SLC5A8: variants seen among roughly 807,000 people sequenced by gnomAD.
The protein encoded by SLC5A8 is sodium-coupled monocarboxylate transporter 1.
A neutral mutation model predicts 71.9 loss-of-function variants in SLC5A8; 55 were observed. That is an observed-to-expected ratio of 0.77 (90% CI 0.62 to 0.96). The LOEUF (loss-of-function observed/expected upper bound fraction) is 0.96, where lower values mean the gene tolerates loss of function less well. Ranked by LOEUF, SLC5A8 falls within the 40% of genes least tolerant of loss-of-function variation. The pLI is 0.00. For synonymous variants in SLC5A8, 307 were observed against 276.1 expected (o/e 1.11, Z -1.11); for missense variants, 701 against 745.3 (o/e 0.94, Z 0.69).
chr12:101,186,254 G>A (rs761092486), intron 7 of SLC5A8, among the ~76,000 whole-genome samples: 7 of 151,838 alleles, frequency 4.6e-5, no homozygotes, highest in Non-Finnish European at 4.4e-5. Context: ...CATAGTAAAC[G>A]TGATTCTTAC....
Position 101,180,064 on chromosome 12 carries a change from C to T in SLC5A8, c.1198G>A (p.Ala400Thr). 1 of 1,614,066 alleles carries T rather than the reference C, an allele frequency of 6.2e-7. No individual in the cohort carries two copies. Among genetic ancestry groups the T allele is most frequent in the South Asian group, 1.1e-5 (1 of 91,072 alleles). The change falls in exon 10 of 15, where the codon GCT becomes ACT. Residue 400 changes from alanine to threonine, a missense_variant. By Grantham distance (58) the Ala-to-Thr change is moderately conservative (BLOSUM62 0). Transcript: ENST00000536262. Reference sequence around the variant, plus strand: ...GCTCCCATAAGTGACGCCAGCGCAGCCATTCCAATACACAGGGCTCCATAC... The same window carrying T: ...GCTCCCATAAGTGACGCCAGCGCAGTCATTCCAATACACAGGGCTCCATAC... ...VVYGALCIGM[A>T]ALASLMGALL... is the part of the protein sequence containing the mutation.
At chr12:101,179,116 T>C (rs190064863) in intron 10 of SLC5A8, among the ~76,000 whole-genome samples, 2 of 152,262 alleles carry the variant, frequency 1.3e-5, no homozygotes, top group Admixed American at 6.5e-5. Flanking sequence ...GATATCACTA[T>C]ATGCCTATCA....
At chr12:101,167,998 TA>T in intron 11 of SLC5A8, 97 bp downstream of exon 11, 1 of 1,124,918 alleles carries the variant, frequency 8.9e-7, no homozygotes, top group Non-Finnish European at 1.3e-6. Context: ...GACAAGTAGC[TA>T]ATGACAAATC....
At chr12:101,171,525 G>T (rs2051829905) in intron 10 of SLC5A8, among the ~76,000 whole-genome samples, 1 of 152,142 alleles carries the variant, frequency 6.6e-6, no homozygotes, top group African/African-American at 2.4e-5. Flanking sequence ...GGAGTTGGTG[G>T]CGCCCTTGGA....
rs2051828675 is a variant in SLC5A8, at chr12:101,171,393, T to C, written c.1234-3211A>G. Reference sequence around the variant, plus strand: ...ATCTTATAGCCATAATATATCTCATTGTATACCACACTCCACCCCTGACCC... The same window carrying C: ...ATCTTATAGCCATAATATATCTCATCGTATACCACACTCCACCCCTGACCC... On this transcript the variant is annotated intron_variant, in intron 10 of 14. Transcript: ENST00000536262. 3.3e-5 allele frequency among the ~76,000 whole-genome samples: 5 copies of C among 152,236 alleles called. 1 individual carries two copies. In the South Asian group the frequency reaches 1.0e-3, roughly 32 times the overall value.
At chr12:101,171,341 G>T (rs1008099132) in intron 10 of SLC5A8, among the ~76,000 whole-genome samples, 6 of 152,124 alleles carry the variant, frequency 3.9e-5, no homozygotes, top group Non-Finnish European at 1.5e-5. Flanking sequence ...CCTCTGAGTT[G>T]CTTGAGTGGC....
intron 14 of SLC5A8, among the ~76,000 whole-genome samples, chr12:101,158,017 A>G (rs886959203): frequency 2.6e-5 from 4 of 152,220 alleles, no homozygotes; most frequent in African/African-American, 7.2e-5. Flanking sequence ...AGCTCATCAG[A>G]GGATACACAG....
At chr12:101,158,147 C>T (rs1049033711) in intron 14 of SLC5A8, 102 bp downstream of exon 14, 3 of 835,900 alleles carry the variant, frequency 3.6e-6, no homozygotes, top group Admixed American at 4.3e-5. Context: ...CTATACCTTC[C>T]TTGTCCATCA....
At chr12:101,188,434 A>T (rs1868756172) in intron 6 of SLC5A8, among the ~76,000 whole-genome samples, 1 of 152,176 alleles carries the variant, frequency 6.6e-6, no homozygotes, top group Admixed American at 6.5e-5. Flanking sequence ...AAGAGGTACC[A>T]TCCCTGAAGT....
rs944635765 is a variant in SLC5A8 at position 101,158,397 on chromosome 12, T to A, written c.1631-69A>T. On this transcript the variant is annotated intron_variant, in intron 13 of 14. Coordinates refer to ENST00000536262, the MANE Select transcript of SLC5A8 (RefSeq NM_145913.5). The stretch of plus-strand genomic sequence containing the variant: ...CCAGTAACTACACAGAGACATTCCA[T>A]TATACAGGCATTTAACTTGTTCACG... The A allele has an allele frequency of 4.1e-6, 4 of 968,046 alleles. No individual in the cohort carries two copies. In the African/African-American group the frequency reaches 6.8e-5, roughly 16 times the overall value. 60.0% of individuals were successfully genotyped at this position (968,046 alleles called of 1,614,324 possible).
chr12:101,201,029 T>C (rs1370426187), intron 3 of SLC5A8, among the ~76,000 whole-genome samples: 1 of 152,206 alleles, frequency 6.6e-6, no homozygotes, highest in Non-Finnish European at 1.5e-5. Flanking sequence ...CATTCTAATT[T>C]ACTCTCAGGG....
intron 5 of SLC5A8, among the ~76,000 whole-genome samples, chr12:101,193,033 G>A (rs971889830): frequency 8.0e-5 from 12 of 149,294 alleles, no homozygotes; most frequent in Non-Finnish European, 1.6e-4. Context: ...GTGCAGTGGC[G>A]TGATCTCGGC....
At chr12:101,171,064 T>C (rs972672790) in intron 10 of SLC5A8, among the ~76,000 whole-genome samples, 23 of 152,198 alleles carry the variant, frequency 1.5e-4, no homozygotes, top group Non-Finnish European at 5.9e-5. Context: ...ACAGGTTAGA[T>C]GACTGACAGA....
intron 4 of SLC5A8, 42 bp from the exon 5 acceptor site, chr12:101,193,821 C>A (rs761443663): frequency 1.9e-6 from 3 of 1,594,906 alleles, no homozygotes; most frequent in Non-Finnish European, 1.7e-6. Context: ...TTCTATTAGA[C>A]ATTATTAAGC....
Position 101,204,495 on chromosome 12 carries a change from C to G in SLC5A8, c.417+5G>C. 1 of 1,591,340 alleles carries G rather than the reference C, an allele frequency of 6.3e-7. No individual in the cohort carries two copies. Among genetic ancestry groups the G allele is most frequent in the Non-Finnish European group, 8.5e-7 (1 of 1,171,508 alleles). ...AAAAGATAAAATAAATGGAGAGCTA[C>G]TTACTGTTTGAACAATGAAGAGGAC... On this transcript the variant is annotated splice_donor_5th_base_variant and intron_variant, in intron 2 of 14. Transcript: ENST00000536262.
intron 10 of SLC5A8, among the ~76,000 whole-genome samples, chr12:101,174,643 C>T (rs1379022990): frequency 6.6e-6 from 1 of 152,190 alleles, no homozygotes; most frequent in Non-Finnish European, 1.5e-5. Flanking sequence ...GTTGTAAATT[C>T]CTACATGACA....
intron 5 of SLC5A8, among the ~76,000 whole-genome samples, chr12:101,192,865 A>C (rs1271892697): frequency 6.6e-6 from 1 of 152,144 alleles, no homozygotes; most frequent in Non-Finnish European, 1.5e-5. Context: ...AGAATTGTCA[A>C]AATGAAATCA....
intron 3 of SLC5A8, among the ~76,000 whole-genome samples, chr12:101,201,194 C>T (rs574769993): frequency 1.4e-4 from 21 of 152,266 alleles, no homozygotes; most frequent in Middle Eastern, 3.4e-3. Flanking sequence ...ACTCAGTTCT[C>T]GACAAATGAG....
rs367819113 is a variant in SLC5A8, at chr12:101,190,453, T to C, written c.833+15A>G. ...ATGGTTATTAATGATTCATATACCA[T>C]GGTGTGTGACTTACAGTTTTGCCTG... is the stretch of plus-strand genomic sequence containing the variant. On this transcript the variant is annotated intron_variant, in intron 6 of 14. Transcript: ENST00000536262. 20 of 1,610,834 alleles carry C rather than the reference T, an allele frequency of 1.2e-5. No individual in the cohort carries two copies. The highest frequency in any genetic ancestry group is 3.3e-4 in the Middle Eastern group (2 of 6,054).
Sources: gnomAD v4.1 joint callset for allele counts (sites outside exome capture counted in the v4.1 genomes callset) on GRCh38, gnomAD v4.1.1 for gene constraint, MANE v1.5 for transcripts, NCBI Gene and HGNC (gene_info 2026-07-23, HGNC 2026-07-21) for gene names.